The following KIAA1671 variants were observed in gnomAD, a reference collection of about 807,000 sequenced individuals.
KIAA1671 encodes uncharacterized protein KIAA1671.
KIAA1671 carries 52 observed loss-of-function variants against 131.2 expected under a neutral mutation model. The observed-to-expected ratio is 0.40, with a 90% CI of 0.32 to 0.50. KIAA1671 has a LOEUF of 0.50. KIAA1671 is among the 20% of genes least tolerant of loss of function. KIAA1671 has a pLI of 0.73. For synonymous variants in KIAA1671, 1,003 were observed against 961.6 expected (o/e 1.04, Z -0.80); for missense variants, 2,360 against 2,364.2 (o/e 1.00, Z 0.04).
At chr22:25,072,934 C>G (rs193195461) in intron 6 of KIAA1671, among the ~76,000 whole-genome samples, 31 of 152,296 alleles carry the variant, frequency 2.0e-4, no homozygotes, top group Admixed American at 1.1e-3. Flanking sequence ...CTTGAACATG[C>G]GTTCATCCAT....
intron 1 of KIAA1671, among the ~76,000 whole-genome samples, chr22:24,957,640 A>T (rs1288525441): frequency 6.9e-6 from 1 of 145,074 alleles, no homozygotes; most frequent in Non-Finnish European, 1.5e-5. Context: ...CTGCGCTGTT[A>T]TGCCAGAATC....
chr22:25,117,611 A>G lies in KIAA1671; in HGVS notation c.4531-53209A>G, dbSNP rs1252763589. Among the ~76,000 whole-genome samples, 3 of 150,784 alleles carry G rather than the reference A, an allele frequency of 2.0e-5. No individual in the cohort carries two copies. The East Asian group carries it at 6.0e-4, about 30-fold the overall frequency. On this transcript the variant is annotated intron_variant, in intron 6 of 12. Coordinates refer to ENST00000358431, the MANE Select transcript of KIAA1671 (RefSeq NM_001145206.2). ...CACACACACACACACACACACACAC[A>G]CACACACACACACACACACACACAC...
intron 4 of KIAA1671, among the ~76,000 whole-genome samples, chr22:25,037,386 ATATATGTATATATGTATATATGTGTG>A (rs1319807346): frequency 1.4e-4 from 19 of 134,964 alleles, no homozygotes; most frequent in East Asian, 4.0e-4. Context: ...ATATATGTGT[ATATATGTATATATGTATATATGTGTG>A]TATATATATG....
rs1203444790 is a variant in KIAA1671 at position 25,028,032 on chromosome 22, G to A, written c.33G>A (p.Thr11=). 32 of 1,525,756 alleles carry A rather than the reference G, an allele frequency of 2.1e-5. No homozygotes were observed. The highest frequency in any genetic ancestry group is 2.7e-5 in the Non-Finnish European group (31 of 1,133,928). 94.5% of individuals were successfully genotyped at this position (1,525,756 alleles called of 1,614,324 possible). MATRVEVGSI[T]PLTAVPGLGE... is the part of the protein sequence containing the mutation. Reference sequence around the variant, plus strand: ...CGCGGGTCGAGGTGGGCTCCATAACGCCCTTGACGGCCGTGCCAGGCCTGG... The same window carrying A: ...CGCGGGTCGAGGTGGGCTCCATAACACCCTTGACGGCCGTGCCAGGCCTGG... Residue 11 remains threonine, a synonymous_variant, in exon 3 of 13, where the codon ACG becomes ACA. Coordinates refer to ENST00000358431, the MANE Select transcript of KIAA1671 (RefSeq NM_001145206.2).
At chr22:25,093,737 A>ACACACACTCTCTCT (rs1568950992) in intron 6 of KIAA1671, among the ~76,000 whole-genome samples, 3 of 30,154 alleles carry the variant, frequency 9.9e-5, no homozygotes, top group Non-Finnish European at 1.3e-4. Flanking sequence ...ACACACACAC[A>ACACACACTCTCTCT]CTCTCTCTCT....
intron 6 of KIAA1671, among the ~76,000 whole-genome samples, chr22:25,109,742 T>C (rs1372520786): frequency 6.6e-6 from 1 of 152,226 alleles, no homozygotes; most frequent in African/African-American, 2.4e-5. Context: ...CCTGCTGGGC[T>C]GTGAGCCCTC....
intron 1 of KIAA1671, among the ~76,000 whole-genome samples, chr22:24,955,498 C>G (rs1265369778): frequency 6.6e-6 from 1 of 152,174 alleles, no homozygotes; most frequent in Non-Finnish European, 1.5e-5. Context: ...GTGCAGAAGC[C>G]TGGAGGTAGG....
At chr22:25,025,602 G>A (rs1413732119) in intron 1 of KIAA1671, 31 bp from the exon 2 acceptor site, 2 of 152,222 alleles carry the variant, frequency 1.3e-5, no homozygotes, top group African/African-American at 4.8e-5. Context: ...CAGAACTCCG[G>A]AACTGAGGCT....
Position 25,038,761 on chromosome 22 carries a change from A to G in KIAA1671, c.1631A>G (p.Gln544Arg). 6.6e-7 allele frequency: 1 copy of G among 1,522,486 alleles called. No individual in the cohort carries two copies. Among genetic ancestry groups the G allele is most frequent in the East Asian group, 2.5e-5 (1 of 40,204 alleles). 94.3% of individuals were successfully genotyped at this position (1,522,486 alleles called of 1,614,324 possible). A position where few individuals can be genotyped will look rare whatever the true frequency, so the allele number is the denominator to read the frequency against. The part of the protein sequence containing the change: ...GEFPKEPREK[Q>R]KEGHSLDGAC... The stretch of plus-strand genomic sequence containing the variant: ...CTTTTTCTTTTTGTTTCTTTCCAGC[A>G]AAAGGAGGGGCACAGTTTGGATGGA... Residue 544 changes from glutamine to arginine, a missense_variant and splice_region_variant, in exon 5 of 13, where the codon CAA (glutamine) becomes CGA (arginine). Around this residue, in one of 3 missense-constraint regions of KIAA1671, gnomAD observed 1,185 missense variants for 1,126.2 expected, o/e 1.05. Coordinates refer to ENST00000358431, the MANE Select transcript of KIAA1671 (RefSeq NM_001145206.2).
chr22:25,147,448 C>T (rs901396905), intron 6 of KIAA1671, among the ~76,000 whole-genome samples: 3 of 152,152 alleles, frequency 2.0e-5, no homozygotes, highest in African/African-American at 7.2e-5. Context: ...CTGCCTCGGC[C>T]TCCCACAGTG....
chr22:25,070,158 T>A (rs1292547802), intron 6 of KIAA1671: 2 of 384,640 alleles, frequency 5.2e-6, no homozygotes, highest in Non-Finnish European at 9.2e-6. Flanking sequence ...GCGGGGCTCA[T>A]AGGACCGAGT....
chr22:25,027,917 T>G, intron 2 of KIAA1671, 28 bp from the exon 3 acceptor site: 1 of 1,126,422 alleles, frequency 8.9e-7, no homozygotes, highest in Non-Finnish European at 1.2e-6. Flanking sequence ...TTTCCAAATT[T>G]ACTTGTTTGT....
chr22:25,120,952 C>T (rs750562501), intron 6 of KIAA1671, among the ~76,000 whole-genome samples: 5 of 152,204 alleles, frequency 3.3e-5, no homozygotes, highest in South Asian at 2.1e-4. Flanking sequence ...TCTGAGAGGT[C>T]CCCGAGGTTT....
intron 6 of KIAA1671, chr22:25,061,552 A>G (rs1311016239): frequency 1.3e-5 from 2 of 152,354 alleles, no homozygotes; most frequent in East Asian, 1.9e-4. Flanking sequence ...TGCTTTTCTC[A>G]TATCATCTGA....
At chr22:25,179,450 T>C in intron 9 of KIAA1671, 1 of 1,613,492 alleles carries the variant, frequency 6.2e-7, no homozygotes, top group African/African-American at 1.3e-5. Context: ...GAGCTTCTCC[T>C]CCGCCTGGCG....
chr22:25,098,450 G>A (rs908222937), intron 6 of KIAA1671, among the ~76,000 whole-genome samples: 2 of 152,146 alleles, frequency 1.3e-5, no homozygotes, highest in Non-Finnish European at 2.9e-5. Flanking sequence ...TCCTTAGAGG[G>A]ACAGTAATAA....
At chr22:25,006,740 C>G (rs564982954) in intron 1 of KIAA1671, among the ~76,000 whole-genome samples, 1 of 152,150 alleles carries the variant, frequency 6.6e-6, no homozygotes, top group African/African-American at 2.4e-5. Context: ...TTTCTGTTTT[C>G]TAGAGGCTGC....
intron 12 of KIAA1671, 131 bp downstream of exon 12, chr22:25,190,915 AG>A (rs1215478474): frequency 9.1e-6 from 5 of 549,000 alleles, no homozygotes; most frequent in African/African-American, 5.9e-5. Context: ...GGGAAGAATG[AG>A]GGGTGGGGGG....
At chr22:25,067,808 G>C (rs572623192) in intron 6 of KIAA1671, among the ~76,000 whole-genome samples, 2 of 152,348 alleles carry the variant, frequency 1.3e-5, no homozygotes, top group South Asian at 4.1e-4. Flanking sequence ...TGTCAGAAAG[G>C]CCCTGGCGGG....
Sources: gnomAD v4.1 joint callset for allele counts (sites outside exome capture counted in the v4.1 genomes callset) on GRCh38, gnomAD v4.1.1 for gene constraint, gnomAD v4.1.1 regional missense constraint, MANE v1.5 for transcripts, NCBI Gene and HGNC (gene_info 2026-07-23, HGNC 2026-07-21) for gene names.